MTREX: variants seen among roughly 807,000 people sequenced by gnomAD.
The protein encoded by MTREX is Mtr4 exosome RNA helicase.
Under a neutral mutation model 135.4 loss-of-function variants are expected in MTREX, and 76 were observed. The ratio of observed to expected loss-of-function variants is 0.56; its 90% CI spans 0.47 to 0.68. MTREX has a LOEUF of 0.68. MTREX is among the 30% of genes least tolerant of loss of function. The pLI, the probability that MTREX is intolerant of heterozygous loss-of-function variation, is 0.00. For synonymous variants in MTREX, 404 were observed against 401.6 expected (o/e 1.01, Z -0.07); for missense variants, 920 against 1,262.1 (o/e 0.73, Z 4.11).
At chr5:55,407,745 C>T (rs1750828881) in intron 22 of MTREX, among the ~76,000 whole-genome samples, 1 of 152,042 alleles carries the variant, frequency 6.6e-6, no homozygotes, top group African/African-American at 2.4e-5. Flanking sequence ...AAGCACAAAT[C>T]TGGTATGTCG....
intron 15 of MTREX, among the ~76,000 whole-genome samples, chr5:55,362,407 C>T (rs1750029755): frequency 6.6e-6 from 1 of 152,036 alleles, no homozygotes; most frequent in African/African-American, 2.4e-5. Flanking sequence ...GTCACCCAGG[C>T]TGGAGTGCAG....
intron 1 of MTREX, 41 bp downstream of exon 1, chr5:55,308,188 C>A: frequency 6.5e-7 from 1 of 1,537,390 alleles, no homozygotes; most frequent in Non-Finnish European, 8.7e-7. Flanking sequence ...TTTTTTTTCT[C>A]GGTGGGGAGG....
chr5:55,345,464 T>G (rs1299896153), intron 10 of MTREX, among the ~76,000 whole-genome samples: 4 of 152,106 alleles, frequency 2.6e-5, no homozygotes, highest in Non-Finnish European at 5.9e-5. Flanking sequence ...CCAAAATATT[T>G]TCATGAACCC....
intron 14 of MTREX, among the ~76,000 whole-genome samples, chr5:55,354,903 C>T (rs1204204179): frequency 1.3e-5 from 2 of 152,184 alleles, no homozygotes; most frequent in South Asian, 2.1e-4. Flanking sequence ...ACCGCACCCA[C>T]CTCCCACAGG....
chr5:55,324,070 C>A, intron 2 of MTREX, 62 bp from the exon 3 acceptor site: 1 of 1,180,232 alleles, frequency 8.5e-7, no homozygotes, highest in Non-Finnish European at 1.2e-6. Context: ...CAATGTGAGG[C>A]TTATTATCAA....
intron 7 of MTREX, 64 bp from the exon 8 acceptor site, chr5:55,343,267 G>A (rs553736439): frequency 6.6e-6 from 9 of 1,359,776 alleles, no homozygotes; most frequent in African/African-American, 2.9e-5. Context: ...TATAATTTTA[G>A]ATATTATCAC....
chr5:55,351,071 G>A (rs371174874), intron 13 of MTREX, 42 bp downstream of exon 13: 1 of 1,521,890 alleles, frequency 6.6e-7, no homozygotes, highest in Non-Finnish European at 8.8e-7. Flanking sequence ...ATATCATGTT[G>A]TATGAAGAGT....
chr5:55,397,809 G>T lies in MTREX; in HGVS notation c.2292+283G>T, dbSNP rs181444805. Among the ~76,000 whole-genome samples the T allele has an allele frequency of 4.0e-3, 610 of 152,212 alleles. 4 individuals carry two copies. Among genetic ancestry groups the T allele is most frequent in the African/African-American group, 0.014 (582 of 41,534 alleles). ...GTGAAAGCTATAGACTGTATTACAA[G>T]TTTTATGTATAAAATCATGTACTGA... On this transcript the variant is annotated intron_variant, in intron 20 of 26. Coordinates refer to ENST00000230640, the MANE Select transcript of MTREX (RefSeq NM_015360.5).
intron 18 of MTREX, among the ~76,000 whole-genome samples, chr5:55,381,792 T>C (rs1403011153): frequency 1.3e-5 from 2 of 152,232 alleles, no homozygotes; most frequent in Non-Finnish European, 2.9e-5. Context: ...CTTAGACTTC[T>C]TTCTTTGCAG....
At chr5:55,346,911 A>G in intron 10 of MTREX, 102 bp from the exon 11 acceptor site, 3 of 931,810 alleles carry the variant, frequency 3.2e-6, no homozygotes, top group Non-Finnish European at 4.6e-6. Context: ...AGGAAGATTT[A>G]TTCCTATATT....
Position 55,405,488 on chromosome 5 carries a change from G to T in MTREX, c.2545G>T (p.Asp849Tyr). The T allele has an allele frequency of 1.2e-6, 2 of 1,613,936 alleles. No individual in the cohort carries two copies. Among genetic ancestry groups the T allele is most frequent in the Non-Finnish European group, 1.7e-6 (2 of 1,179,866 alleles). Residue 849 changes from aspartate (D) to tyrosine (Y), a missense_variant, in exon 22 of 27, where the codon GAT (aspartate) becomes TAT (tyrosine). By Grantham distance (160) the Asp-to-Tyr change is radical (BLOSUM62 -3). Coordinates refer to ENST00000230640, the MANE Select transcript of MTREX (RefSeq NM_015360.5). The part of the protein sequence containing the change: ...LKKARTVLQM[D>Y]ELKCRKRVLR... ...GAAAGCAAGAACAGTCCTACAAATG[G>T]ATGAACTCAAATGTCGCAAACGTGT...
intron 5 of MTREX, among the ~76,000 whole-genome samples, chr5:55,331,831 T>A (rs1038484221): frequency 6.6e-6 from 1 of 152,162 alleles, no homozygotes; most frequent in African/African-American, 2.4e-5. Flanking sequence ...CTACTTTGTT[T>A]TCTCTCTCTT....
intron 20 of MTREX, 46 bp downstream of exon 20, chr5:55,397,572 A>T (rs1470842404): frequency 7.6e-7 from 1 of 1,310,430 alleles, no homozygotes; most frequent in Non-Finnish European, 1.1e-6. Context: ...ATGTAAATAC[A>T]GGTAGTGTTT....
In MTREX at chr5:55,424,865, C is replaced by A. The variant is rs917420336; in HGVS notation, c.*93C>A. ...CCTGCAAGTGTGGATTTGGTTCTCC[C>A]ATACATTTTAATATGTATTATATTT... On this transcript the variant is annotated 3_prime_UTR_variant, in exon 27 of 27. Coordinates refer to ENST00000230640, the MANE Select transcript of MTREX (RefSeq NM_015360.5). The A allele has an allele frequency of 1.6e-4, 138 of 874,094 alleles. No homozygotes were observed. Among genetic ancestry groups the A allele is most frequent in the Middle Eastern group, 1.5e-3 (7 of 4,532 alleles). 54.1% of individuals were successfully genotyped at this position (874,094 alleles called of 1,614,324 possible).
rs117644323 is a variant in MTREX at position 55,338,911 on chromosome 5, C to T, written c.516-1099C>T. ...ATTCAAGCAGTTCTCCTTCTTCAGC[C>T]TGCCAAGTAGCTGGGATTACAAATG... is the stretch of plus-strand genomic sequence containing the variant. On this transcript the variant is annotated intron_variant, in intron 5 of 26. Coordinates refer to ENST00000230640, the MANE Select transcript of MTREX (RefSeq NM_015360.5). Among the ~76,000 whole-genome samples, 40 of 150,836 alleles carry T rather than the reference C, an allele frequency of 2.7e-4. No homozygotes were observed. The East Asian group carries it at 6.7e-3, about 25-fold the overall frequency.
intron 22 of MTREX, among the ~76,000 whole-genome samples, chr5:55,407,755 G>A (rs1034880018): frequency 6.6e-6 from 1 of 151,898 alleles, no homozygotes; most frequent in Non-Finnish European, 1.5e-5. Context: ...CTGGTATGTC[G>A]TTCCTCTTTC....
chr5:55,412,358 T>C (rs1363784939), intron 23 of MTREX, among the ~76,000 whole-genome samples: 1 of 152,202 alleles, frequency 6.6e-6, no homozygotes, highest in Non-Finnish European at 1.5e-5. Flanking sequence ...TTTAAAAGGT[T>C]ATGTAAATCT....
intron 1 of MTREX, among the ~76,000 whole-genome samples, chr5:55,314,200 T>G (rs980443509): frequency 6.6e-6 from 1 of 152,268 alleles, no homozygotes; most frequent in Non-Finnish European, 1.5e-5. Flanking sequence ...TAGGCATTTT[T>G]GCTAGATGTA....
chr5:55,324,062 A>G (rs546919326), intron 2 of MTREX, 70 bp from the exon 3 acceptor site: 56 of 1,099,530 alleles, frequency 5.1e-5, no homozygotes, highest in East Asian at 4.9e-4. Context: ...TAACAGTGCA[A>G]TGTGAGGCTT....
Sources: gnomAD v4.1 joint callset for allele counts (sites outside exome capture counted in the v4.1 genomes callset) on GRCh38, gnomAD v4.1.1 for gene constraint, MANE v1.5 for transcripts, NCBI Gene and HGNC (gene_info 2026-07-23, HGNC 2026-07-21) for gene names.